The following DLGAP1 variants were observed in gnomAD, a reference collection of about 807,000 sequenced individuals.
DLGAP1 encodes the protein disks large-associated protein 1.
Under a neutral mutation model 90.8 loss-of-function variants are expected in DLGAP1, and 11 were observed. That is an observed-to-expected ratio of 0.12 (90% CI 0.08 to 0.20). The LOEUF is 0.20. Among genes scored for constraint, DLGAP1 ranks in the 10% least tolerant of loss-of-function variants. The pLI, the probability that DLGAP1 is intolerant of heterozygous loss-of-function variation, is 1.00. For missense variants in DLGAP1, 1,050 were observed against 1,333.8 expected, an observed-to-expected ratio of 0.79 and a Z score of 3.31; for synonymous variants, 558 against 540.7, an observed-to-expected ratio of 1.03 and a Z score of -0.44.
chr18:4,078,079 C>G (rs764641020), intron 2 of DLGAP1, among the ~76,000 whole-genome samples: 6 of 152,060 alleles, frequency 3.9e-5, no homozygotes, highest in Non-Finnish European at 8.8e-5. Context: ...TCATTGTAAA[C>G]GACAGATACT....
chr18:3,858,163 T>C (rs2069766705), intron 4 of DLGAP1, among the ~76,000 whole-genome samples: 1 of 152,170 alleles, frequency 6.6e-6, no homozygotes, highest in Non-Finnish European at 1.5e-5. Flanking sequence ...ATTATCTCAG[T>C]TGGAAGTATT....
At position 4,107,612 on chromosome 18, in the gene DLGAP1, A is replaced by C. The variant is rs139317490; in HGVS notation, c.-159+43568T>G. ...AGCACTGCTAATAAATATACCAAAA[A>C]CCGTTGAACTACACATTTTAAATTG... On this transcript the variant is annotated intron_variant, in intron 2 of 12. Transcript: ENST00000315677. Among the ~76,000 whole-genome samples the C allele has an allele frequency of 2.0e-3, 311 of 152,268 alleles. 2 individuals carry two copies. Among genetic ancestry groups the C allele is most frequent in the African/African-American group, 7.1e-3 (294 of 41,546 alleles).
chr18:4,155,353 T>C (rs749639578), intron 1 of DLGAP1, among the ~76,000 whole-genome samples: 9 of 152,210 alleles, frequency 5.9e-5, no homozygotes, highest in Non-Finnish European at 1.2e-4. Flanking sequence ...TTGGGCACTC[T>C]ACGGTTCACA....
Position 4,454,668 on chromosome 18 carries a change from G to C in DLGAP1, c.-267+338C>G, listed in dbSNP as rs1322204293. 6.6e-6 allele frequency among the ~76,000 whole-genome samples: 1 copy of C among 151,980 alleles called. No individual in the cohort carries two copies. Among genetic ancestry groups the C allele is most frequent in the African/African-American group, 2.4e-5 (1 of 41,398 alleles). On this transcript the variant is annotated intron_variant, in intron 1 of 12. Transcript: ENST00000315677. The surrounding 1 kb of genome is among the most constrained non-coding windows in gnomAD (Gnocchi z 4.7). Reference sequence around the variant, plus strand: ...GTGGACATGACCGGGACAGGGGACCGGTGTTCTCCTCCCCTCCCCCTTCCG... The same window carrying C: ...GTGGACATGACCGGGACAGGGGACCCGTGTTCTCCTCCCCTCCCCCTTCCG...
chr18:3,891,298 C>T (rs934380298), intron 3 of DLGAP1, among the ~76,000 whole-genome samples: 7 of 152,138 alleles, frequency 4.6e-5, no homozygotes, highest in African/African-American at 1.4e-4. Flanking sequence ...CCCTCAGGTC[C>T]CTTGCTCTAT....
In DLGAP1 at chr18:3,884,791, C is replaced by A. The variant is rs113236972; in HGVS notation, c.-72-4651G>T. Among the ~76,000 whole-genome samples, 415 of 152,298 alleles carry A rather than the reference C, an allele frequency of 2.7e-3. 4 individuals carry two copies. Among genetic ancestry groups the A allele is most frequent in the African/African-American group, 9.7e-3 (403 of 41,562 alleles). On this transcript the variant is annotated intron_variant, in intron 3 of 12. Transcript: ENST00000315677. ...ATTGCATCCAGAATAAATAAGCTAA[C>A]ATTCCTCCTTCCTTACTTGTATTTG... is the stretch of plus-strand genomic sequence containing the variant.
intron 5 of DLGAP1, among the ~76,000 whole-genome samples, chr18:3,795,895 T>C (rs2065967269): frequency 6.6e-6 from 1 of 152,188 alleles, no homozygotes; most frequent in Non-Finnish European, 1.5e-5. Flanking sequence ...ATCCTTGTAT[T>C]GTATGATCTC....
chr18:3,675,538 C>T (rs763522707), intron 7 of DLGAP1, among the ~76,000 whole-genome samples: 4 of 152,176 alleles, frequency 2.6e-5, no homozygotes, highest in African/African-American at 7.2e-5. Context: ...TCTGAATTTT[C>T]GTCTCCAAAG....
chr18:3,602,685 A>G (rs1259964818), intron 7 of DLGAP1, among the ~76,000 whole-genome samples: 1 of 151,930 alleles, frequency 6.6e-6, no homozygotes, highest in Non-Finnish European at 1.5e-5. Flanking sequence ...AGCACTAGAT[A>G]TGTTTATTAT....
intron 7 of DLGAP1, among the ~76,000 whole-genome samples, chr18:3,691,787 G>A (rs1186474019): frequency 1.3e-5 from 2 of 152,018 alleles, no homozygotes; most frequent in Non-Finnish European, 2.9e-5. Context: ...GTGGTGGCGG[G>A]CATGCATCTG....
At chr18:4,132,891 G>A (rs1461359091) in intron 2 of DLGAP1, among the ~76,000 whole-genome samples, 1 of 152,134 alleles carries the variant, frequency 6.6e-6, no homozygotes, top group Non-Finnish European at 1.5e-5. Context: ...ACAGGTAAAG[G>A]TAATTAAATG....
intron 1 of DLGAP1, among the ~76,000 whole-genome samples, chr18:4,221,051 G>A (rs2078064723): frequency 1.3e-5 from 2 of 152,096 alleles, no homozygotes; most frequent in Admixed American, 1.3e-4. Flanking sequence ...ATATCATGTA[G>A]TACATAGTAG....
intron 1 of DLGAP1, among the ~76,000 whole-genome samples, chr18:4,172,202 C>A (rs2077037521): frequency 6.6e-6 from 1 of 152,158 alleles, no homozygotes; most frequent in Admixed American, 6.5e-5. Context: ...TGTAAAAGTA[C>A]AGCAGAAAAC....
At chr18:4,238,538 T>C (rs2078465473) in intron 1 of DLGAP1, among the ~76,000 whole-genome samples, 1 of 152,170 alleles carries the variant, frequency 6.6e-6, no homozygotes, top group South Asian at 2.1e-4. Context: ...CGTAGAAGTT[T>C]TGAGAAATAA....
intron 5 of DLGAP1, among the ~76,000 whole-genome samples, chr18:3,794,387 T>C (rs889085635): frequency 6.6e-6 from 1 of 151,784 alleles, no homozygotes; most frequent in Non-Finnish European, 1.5e-5. Flanking sequence ...ATCTCAATTA[T>C]AGGCATGGAT....
chr18:3,961,262 T>C (rs1327636138), intron 3 of DLGAP1, among the ~76,000 whole-genome samples: 1 of 152,196 alleles, frequency 6.6e-6, no homozygotes, highest in African/African-American at 2.4e-5. Flanking sequence ...GGGCCATTTG[T>C]AGCTAGGTTT....
intron 1 of DLGAP1, among the ~76,000 whole-genome samples, chr18:4,379,732 G>A (rs1332432816): frequency 6.6e-6 from 1 of 152,092 alleles, no homozygotes; most frequent in Non-Finnish European, 1.5e-5. Context: ...CACTCCAGTA[G>A]GCATTCCAGA....
intron 1 of DLGAP1, among the ~76,000 whole-genome samples, chr18:4,366,145 T>C (rs1345733535): frequency 1.3e-5 from 2 of 152,104 alleles, no homozygotes; most frequent in Non-Finnish European, 2.9e-5. Flanking sequence ...CTGAATTCCA[T>C]TGGTCAAAAT....
chr18:4,383,847 T>A lies in DLGAP1; in HGVS notation c.-267+71159A>T. Among the ~76,000 whole-genome samples the A allele has an allele frequency of 6.6e-6, 1 of 152,096 alleles. No individual in the cohort carries two copies. The highest frequency in any genetic ancestry group is 1.5e-5 in the Non-Finnish European group (1 of 67,992). Reference sequence around the variant, plus strand: ...TAATCCACAAGTTTGAGGATGAGATTAAGTGCAACCATTTCAATGGCTCCT... The same window carrying A: ...TAATCCACAAGTTTGAGGATGAGATAAAGTGCAACCATTTCAATGGCTCCT... On this transcript the variant is annotated intron_variant, in intron 1 of 12. Transcript: ENST00000315677. The surrounding 1 kb of genome is among the most constrained non-coding windows in gnomAD (Gnocchi z 4.0).
Sources: gnomAD v4.1 joint callset for allele counts (sites outside exome capture counted in the v4.1 genomes callset) on GRCh38, gnomAD v4.1.1 for gene constraint, Gnocchi (gnomAD v3.1) non-coding constraint, MANE v1.5 for transcripts, NCBI Gene and HGNC (gene_info 2026-07-23, HGNC 2026-07-21) for gene names.